The following RABGAP1L variants were observed in gnomAD, a reference collection of about 807,000 sequenced individuals.
RABGAP1L encodes RAB GTPase activating protein 1 like, also known as rab GTPase-activating protein 1-like.
Under a neutral mutation model 137.7 loss-of-function variants are expected in RABGAP1L, and 63 were observed. The ratio of observed to expected loss-of-function variants is 0.46; its 90% CI spans 0.37 to 0.56. The LOEUF (loss-of-function observed/expected upper bound fraction) is 0.56, where lower values mean the gene tolerates loss of function less well. Ranked by LOEUF, RABGAP1L falls within the 20% of genes least tolerant of loss-of-function variation. The pLI is 0.00. For missense variants in RABGAP1L, 1,095 were observed against 1,244.0 expected (o/e 0.88, Z 1.80); for synonymous variants, 431 against 433.7 (o/e 0.99, Z 0.08).
At chr1:174,177,802 G>C (rs61827905) in intron 1 of RABGAP1L, among the ~76,000 whole-genome samples, 13,603 of 152,164 alleles carry the variant, frequency 0.089, 821 homozygotes, top group East Asian at 0.22. Flanking sequence ...GATGTGTGGT[G>C]TTATTTCCGA....
intron 11 of RABGAP1L, among the ~76,000 whole-genome samples, chr1:174,330,170 A>G (rs1680905673): frequency 6.6e-6 from 1 of 152,200 alleles, no homozygotes; most frequent in African/African-American, 2.4e-5. Context: ...CTCCACCAAA[A>G]ACTCTTAGAA....
intron 10 of RABGAP1L, among the ~76,000 whole-genome samples, chr1:174,304,178 T>A (rs901753689): frequency 6.6e-6 from 1 of 152,176 alleles, no homozygotes; most frequent in East Asian, 1.9e-4. Context: ...TTAATTGATA[T>A]GAACATAAGG....
At chr1:174,275,642 G>A (rs1225184437) in intron 8 of RABGAP1L, among the ~76,000 whole-genome samples, 191 bp from the exon 9 acceptor site, 1 of 152,144 alleles carries the variant, frequency 6.6e-6, no homozygotes, top group African/African-American at 2.4e-5. Context: ...TGTGCTTGAA[G>A]AAAGCTGTAG....
chr1:174,924,405 AAG>A (rs1317298152), intron 19 of RABGAP1L, among the ~76,000 whole-genome samples: 42 of 151,294 alleles, frequency 2.8e-4, no homozygotes, highest in Admixed American at 6.6e-4. Context: ...AAAAAAAAAA[AAG>A]AGAGAGATAC....
intron 19 of RABGAP1L, among the ~76,000 whole-genome samples, chr1:174,884,911 C>T (rs1654823727): frequency 1.3e-5 from 2 of 152,352 alleles, no homozygotes; most frequent in Non-Finnish European, 2.9e-5. Context: ...CTCCATATTT[C>T]TTTGGTGAGA....
At chr1:174,233,197 CTCTT>C (rs1571682148) in intron 4 of RABGAP1L, among the ~76,000 whole-genome samples, 1 of 152,114 alleles carries the variant, frequency 6.6e-6, no homozygotes. Context: ...TCCCTTCTCT[CTCTT>C]CATTCATCAA....
rs73026454 is a variant in RABGAP1L, at chr1:174,716,530, T to C, written c.2169+14274T>C. Among the ~76,000 whole-genome samples the C allele has an allele frequency of 2.4e-3, 360 of 152,330 alleles. 1 individual carries two copies. The highest frequency in any genetic ancestry group is 8.0e-3 in the African/African-American group (333 of 41,584). The stretch of plus-strand genomic sequence containing the variant: ...TAACCATATCTAAACATACAATATT[T>C]AGCTACCAGTACTAGAACTGTTGTT... On this transcript the variant is annotated intron_variant, in intron 17 of 25. Coordinates refer to ENST00000681986, the MANE Select transcript of RABGAP1L (RefSeq NM_001366446.1).
chr1:174,612,221 A>T (rs1401098220), intron 13 of RABGAP1L, among the ~76,000 whole-genome samples: 1 of 152,124 alleles, frequency 6.6e-6, no homozygotes, highest in African/African-American at 2.4e-5. Context: ...TTATTTTGAG[A>T]TATGTCCCAT....
intron 19 of RABGAP1L, among the ~76,000 whole-genome samples, chr1:174,919,245 C>T (rs1172912309): frequency 2.0e-5 from 3 of 152,100 alleles, no homozygotes; most frequent in Non-Finnish European, 2.9e-5. Flanking sequence ...CTCGAACTCC[C>T]GACCTCAGGC....
intron 13 of RABGAP1L, among the ~76,000 whole-genome samples, chr1:174,492,667 A>G (rs1660369592): frequency 6.6e-6 from 1 of 151,944 alleles, no homozygotes; most frequent in Non-Finnish European, 1.5e-5. Flanking sequence ...AATTCTTCAA[A>G]TGCACTGTAT....
intron 18 of RABGAP1L, chr1:174,800,566 A>C (rs1019581654): frequency 6.6e-7 from 1 of 1,513,186 alleles, no homozygotes; most frequent in African/African-American, 1.4e-5. Context: ...AATTCCTTGT[A>C]TCTCTGAAAG....
intron 23 of RABGAP1L, among the ~76,000 whole-genome samples, chr1:174,979,968 T>C (rs1670952409): frequency 6.6e-6 from 1 of 152,256 alleles, no homozygotes; most frequent in African/African-American, 2.4e-5. Context: ...AGTCTGATAC[T>C]TACTTTTTAA....
chr1:174,403,696 T>C lies in RABGAP1L; in HGVS notation c.1710+9551T>C, dbSNP rs201940534. On this transcript the variant is annotated intron_variant, in intron 13 of 25. Transcript: ENST00000681986. ...CAGGGCATGTTTCTAATTTAATACA[T>C]GTGTTAGGTAACTTCCAGTTACAAA... is the stretch of plus-strand genomic sequence containing the variant. 5.9e-5 allele frequency among the ~76,000 whole-genome samples: 9 copies of C among 152,096 alleles called. No homozygotes were observed. In the East Asian group the frequency reaches 1.5e-3, roughly 26 times the overall value.
intron 19 of RABGAP1L, among the ~76,000 whole-genome samples, chr1:174,951,530 T>G (rs2149325513): frequency 6.6e-6 from 1 of 152,330 alleles, no homozygotes; most frequent in East Asian, 1.9e-4. Flanking sequence ...GAAGTGGACA[T>G]CTGAATACAT....
In RABGAP1L at chr1:174,272,399, C is replaced by T. The variant is rs1482360505; in HGVS notation, c.987-15C>T. 1 of 1,596,014 alleles carries T rather than the reference C, an allele frequency of 6.3e-7. No individual in the cohort carries two copies. Among genetic ancestry groups the T allele is most frequent in the South Asian group, 1.1e-5 (1 of 87,108 alleles). ...TGATACCTTATTTCTCCTTTTTTTC[C>T]CCCAATATTTTCAGATGTTTTGGAA... On this transcript the variant is annotated splice_polypyrimidine_tract_variant and intron_variant, in intron 7 of 25. Transcript: ENST00000681986.
At position 174,683,609 on chromosome 1, in the gene RABGAP1L, C is replaced by A; in HGVS notation, c.1899+13C>A. 1 of 1,587,412 alleles carries A rather than the reference C, an allele frequency of 6.3e-7. No homozygotes were observed. Among genetic ancestry groups the A allele is most frequent in the South Asian group, 1.1e-5 (1 of 90,390 alleles). ...ATTACTGCTGCATGTAAGTAATGGT[C>A]CGTGTGATAAATAGCACAGTGCTGC... On this transcript the variant is annotated intron_variant, in intron 15 of 25. Transcript: ENST00000681986.
At chr1:174,836,198 C>T (rs2148929457) in intron 19 of RABGAP1L, among the ~76,000 whole-genome samples, 1 of 152,110 alleles carries the variant, frequency 6.6e-6, no homozygotes, top group African/African-American at 2.4e-5. Context: ...CATGTATTTT[C>T]TGTCATACAT....
intron 14 of RABGAP1L, among the ~76,000 whole-genome samples, chr1:174,655,676 G>A (rs1675913853): frequency 1.3e-5 from 2 of 152,136 alleles, no homozygotes. Context: ...TTTCTCATCA[G>A]ACTTTCAATT....
At chr1:174,542,075 C>T (rs1357768537) in intron 13 of RABGAP1L, among the ~76,000 whole-genome samples, 1 of 152,106 alleles carries the variant, frequency 6.6e-6, no homozygotes, top group Admixed American at 6.5e-5. Flanking sequence ...GTGTCTCTGC[C>T]AGGCATTGGT....
Sources: gnomAD v4.1 joint callset for allele counts (sites outside exome capture counted in the v4.1 genomes callset) on GRCh38, gnomAD v4.1.1 for gene constraint, MANE v1.5 for transcripts, NCBI Gene and HGNC (gene_info 2026-07-23, HGNC 2026-07-21) for gene names.